Variants in PEBP4 observed in about 807,000 individuals in gnomAD.
PEBP4 encodes phosphatidylethanolamine-binding protein 4.
In PEBP4, 22 loss-of-function variants were observed where a neutral mutation model predicts 23.9. The ratio of observed to expected loss-of-function variants is 0.92; its 90% CI spans 0.66 to 1.31. The LOEUF (loss-of-function observed/expected upper bound fraction) is 1.31. Among genes scored for constraint, PEBP4 ranks in the 40% most tolerant of loss-of-function variants. The pLI is 0.00. For synonymous variants in PEBP4, 112 were observed against 99.3 expected, an observed-to-expected ratio of 1.13 and a Z score of -0.76; for missense variants, 324 against 281.7, an observed-to-expected ratio of 1.15 and a Z score of -1.07.
In PEBP4 at chr8:22,905,194, AT is replaced by A. The variant is rs371991472; in HGVS notation, c.258+14989del. On this transcript the variant is annotated intron_variant, in intron 3 of 6. Transcript: ENST00000256404. ...GTTATATACTATTTTCTAAAATCAC[AT>A]TTTTTATATTGTAAATGGAATGGAA... Among the ~76,000 whole-genome samples the A allele has an allele frequency of 1.3e-3, 203 of 152,212 alleles. 1 individual carries two copies. The highest frequency in any genetic ancestry group is 3.7e-3 in the African/African-American group (155 of 41,544).
chr8:22,722,938 AATTTTTTT>A (rs1447871624), intron 6 of PEBP4, among the ~76,000 whole-genome samples: 5 of 132,994 alleles, frequency 3.8e-5, no homozygotes, highest in Admixed American at 1.6e-4. Context: ...ACGCTGGGCT[AATTTTTTT>A]TTTTTTTTGT....
At chr8:22,871,129 G>A (rs370363737) in intron 3 of PEBP4, among the ~76,000 whole-genome samples, 15 of 152,212 alleles carry the variant, frequency 9.9e-5, no homozygotes, top group African/African-American at 3.4e-4. Context: ...GTGAGGGGTC[G>A]GGGGTGGGTG....
At chr8:22,938,532 C>T (rs576329525) in intron 1 of PEBP4, among the ~76,000 whole-genome samples, 1 of 152,306 alleles carries the variant, frequency 6.6e-6, no homozygotes, top group Admixed American at 6.5e-5. Flanking sequence ...TTCTCTGTCA[C>T]TAGGCTGTTA....
intron 4 of PEBP4, among the ~76,000 whole-genome samples, chr8:22,803,660 A>C (rs1259811743): frequency 1.3e-5 from 2 of 152,068 alleles, no homozygotes; most frequent in African/African-American, 4.8e-5. Context: ...CAAGACTCCA[A>C]CTAAAAAATA....
chr8:22,808,989 C>T (rs890707093), intron 4 of PEBP4, among the ~76,000 whole-genome samples: 2 of 152,168 alleles, frequency 1.3e-5, no homozygotes, highest in Non-Finnish European at 2.9e-5. Flanking sequence ...AAGCGATAAC[C>T]ACACAGGCAG....
chr8:22,904,117 C>T (rs1004885285), intron 3 of PEBP4, among the ~76,000 whole-genome samples: 1 of 152,166 alleles, frequency 6.6e-6, no homozygotes, highest in Non-Finnish European at 1.5e-5. Flanking sequence ...TAATGAGAAA[C>T]ATCAAATACT....
intron 1 of PEBP4, among the ~76,000 whole-genome samples, chr8:22,938,371 G>T (rs1162618623): frequency 6.6e-6 from 1 of 152,054 alleles, no homozygotes; most frequent in Non-Finnish European, 1.5e-5. Flanking sequence ...GACCCACCTG[G>T]CTTACTTTTG....
At position 22,808,015 on chromosome 8, in the gene PEBP4, C is replaced by T. The variant is rs1020615443; in HGVS notation, c.357+9622G>A. 7.2e-5 allele frequency among the ~76,000 whole-genome samples: 11 copies of T among 151,942 alleles called. No homozygotes were observed. In the East Asian group the frequency reaches 1.2e-3, roughly 16 times the overall value. On this transcript the variant is annotated intron_variant, in intron 4 of 6. Coordinates refer to ENST00000256404, the MANE Select transcript of PEBP4 (RefSeq NM_144962.3). ...GTCTATCCATTCATCCATCCACCTACCTACCTAATCTTTATCCATCCATCC... is the reference window on the plus strand; with the variant it reads ...GTCTATCCATTCATCCATCCACCTATCTACCTAATCTTTATCCATCCATCC...
chr8:22,753,407 G>C (rs973469184), intron 4 of PEBP4, among the ~76,000 whole-genome samples: 1 of 152,180 alleles, frequency 6.6e-6, no homozygotes, highest in Non-Finnish European at 1.5e-5. Flanking sequence ...CAACAATCAA[G>C]GTGGGACAGA....
chr8:22,781,413 G>T (rs562042508), intron 4 of PEBP4, among the ~76,000 whole-genome samples: 71 of 152,298 alleles, frequency 4.7e-4, no homozygotes, highest in African/African-American at 1.6e-3. Flanking sequence ...CTCAGGGATC[G>T]CTTTACATAA....
At chr8:22,721,846 C>T (rs757697899) in intron 6 of PEBP4, among the ~76,000 whole-genome samples, 10 of 152,118 alleles carry the variant, frequency 6.6e-5, no homozygotes, top group African/African-American at 1.4e-4. Flanking sequence ...CCCTGGGCTC[C>T]GTAAGTCCCC....
chr8:22,824,089 A>G (rs1383920293), intron 3 of PEBP4, among the ~76,000 whole-genome samples: 3 of 152,212 alleles, frequency 2.0e-5, no homozygotes, highest in Non-Finnish European at 2.9e-5. Context: ...TATTGTACAC[A>G]TGTACATGAC....
At chr8:22,776,195 C>T (rs1014347432) in intron 4 of PEBP4, among the ~76,000 whole-genome samples, 1 of 152,230 alleles carries the variant, frequency 6.6e-6, no homozygotes, top group African/African-American at 2.4e-5. Flanking sequence ...CGCTCACACC[C>T]TTCCTAGCAG....
At chr8:22,917,864 C>T (rs1809110390) in intron 3 of PEBP4, among the ~76,000 whole-genome samples, 1 of 152,126 alleles carries the variant, frequency 6.6e-6, no homozygotes, top group Non-Finnish European at 1.5e-5. Flanking sequence ...CAAACACAAA[C>T]CTAAGGCTGT....
intron 3 of PEBP4, among the ~76,000 whole-genome samples, chr8:22,871,396 T>A (rs950499144): frequency 6.6e-6 from 1 of 152,140 alleles, no homozygotes; most frequent in Non-Finnish European, 1.5e-5. Flanking sequence ...TCACTACAGA[T>A]TTAGCTCCTC....
At chr8:22,885,518 CTG>C (rs1434415120) in intron 3 of PEBP4, 7 of 152,204 alleles carry the variant, frequency 4.6e-5, no homozygotes, top group Admixed American at 1.3e-4. Context: ...CACGACGTAA[CTG>C]TGAGTCCTCC....
chr8:22,815,559 G>A (rs1259334163), intron 4 of PEBP4, among the ~76,000 whole-genome samples: 1 of 152,212 alleles, frequency 6.6e-6, no homozygotes, highest in Non-Finnish European at 1.5e-5. Flanking sequence ...TGGGGAAGGT[G>A]GGCAGGGCCA....
chr8:22,759,715 T>C (rs903782447), intron 4 of PEBP4, among the ~76,000 whole-genome samples: 7 of 152,204 alleles, frequency 4.6e-5, no homozygotes, highest in African/African-American at 7.2e-5. Context: ...AGAGAAGTTA[T>C]GTAGTTCCTC....
intron 3 of PEBP4, among the ~76,000 whole-genome samples, chr8:22,864,397 G>A (rs752536395): frequency 6.6e-5 from 10 of 151,982 alleles, no homozygotes; most frequent in Non-Finnish European, 1.2e-4. Flanking sequence ...TGAGGACAGG[G>A]ACTGTGTGAC....
Sources: gnomAD v4.1 joint callset for allele counts (sites outside exome capture counted in the v4.1 genomes callset) on GRCh38, gnomAD v4.1.1 for gene constraint, MANE v1.5 for transcripts, NCBI Gene and HGNC (gene_info 2026-07-23, HGNC 2026-07-21) for gene names.